Variants in TNFRSF10A observed in about 807,000 individuals in gnomAD.
The protein encoded by TNFRSF10A is TNF receptor superfamily member 10a, also known as tumor necrosis factor receptor superfamily member 10A.
Under a neutral mutation model 42.8 loss-of-function variants are expected in TNFRSF10A, and 44 were observed. The observed-to-expected ratio is 1.03, with a 90% confidence interval of 0.81 to 1.32. TNFRSF10A has a LOEUF of 1.32. TNFRSF10A is among the 40% of genes most tolerant of loss of function. TNFRSF10A has a pLI of 0.00. For synonymous variants in TNFRSF10A, 259 were observed against 234.2 expected (o/e 1.11, Z -0.97); for missense variants, 680 against 602.0 (o/e 1.13, Z -1.36).
At chr8:23,203,667 G>GA (rs556623078) in intron 2 of TNFRSF10A, among the ~76,000 whole-genome samples, 2 of 151,470 alleles carry the variant, frequency 1.3e-5, no homozygotes, top group Non-Finnish European at 2.9e-5. Flanking sequence ...CCAAACTGTG[G>GA]AAAAAAAACT....
chr8:23,195,513 C>T (rs761050098), intron 9 of TNFRSF10A, among the ~76,000 whole-genome samples: 3 of 150,834 alleles, frequency 2.0e-5, no homozygotes, highest in East Asian at 1.9e-4. Flanking sequence ...TTAATAACAA[C>T]GTTTTCTTTT....
chr8:23,220,467 T>G (rs1474694657), intron 1 of TNFRSF10A, among the ~76,000 whole-genome samples: 2 of 152,248 alleles, frequency 1.3e-5, no homozygotes, highest in African/African-American at 4.8e-5. Flanking sequence ...CTGCCAGGGT[T>G]GGCCGTGCTC....
At chr8:23,203,002 A>G (rs774778853) in intron 2 of TNFRSF10A, among the ~76,000 whole-genome samples, 3 of 152,220 alleles carry the variant, frequency 2.0e-5, no homozygotes, top group Non-Finnish European at 4.4e-5. Flanking sequence ...TTAAAATAGT[A>G]AAAAGAGAAT....
At chr8:23,223,792 C>T (rs537848475) in intron 1 of TNFRSF10A, among the ~76,000 whole-genome samples, 1 of 152,282 alleles carries the variant, frequency 6.6e-6, no homozygotes, top group South Asian at 2.1e-4. Flanking sequence ...TGGCATTTTT[C>T]CAGACTGAGT....
rs775689137 is a variant in TNFRSF10A at position 23,199,346 on chromosome 8, C to A, written c.934G>T (p.Glu312Ter). ...GGCTCCTGGCTTTCCATTTGCTGCT[C>A]AGAGACGAAAGTGGACAGCGAGTCT... is the stretch of plus-strand genomic sequence containing the variant. Reference protein sequence around the residue: ...NADSLSTFVSEQQMESQEPAD... With the variant: ...NADSLSTFVS Residue 312 changes from glutamate (E) to a stop codon, truncating the protein, a stop_gained, in exon 8 of 10, where the codon GAG becomes TAG. Transcript: ENST00000221132. LOFTEE classifies it high-confidence loss of function. 3.1e-6 allele frequency: 5 copies of A among 1,614,204 alleles called. No homozygotes were observed. Among genetic ancestry groups the A allele is most frequent in the Non-Finnish European group, 4.2e-6 (5 of 1,180,024 alleles).
intron 1 of TNFRSF10A, among the ~76,000 whole-genome samples, chr8:23,219,212 CCCA>C (rs1300023343): frequency 6.6e-6 from 1 of 152,046 alleles, no homozygotes. Flanking sequence ...CATTTGTCCT[CCCA>C]CCACCACCAG....
chr8:23,211,647 C>T (rs1251488967), intron 2 of TNFRSF10A, among the ~76,000 whole-genome samples: 1 of 152,196 alleles, frequency 6.6e-6, no homozygotes, highest in Non-Finnish European at 1.5e-5. Flanking sequence ...TCAAAACTCA[C>T]TACAAGACTG....
intron 2 of TNFRSF10A, among the ~76,000 whole-genome samples, chr8:23,206,684 TGA>T (rs1486931095): frequency 2.0e-5 from 3 of 152,012 alleles, no homozygotes; most frequent in Non-Finnish European, 4.4e-5. Context: ...GAATCAGAAA[TGA>T]GAGAGAGCAC....
At chr8:23,192,130 G>A in intron 9 of TNFRSF10A, 117 bp from the exon 10 acceptor site, 1 of 1,475,812 alleles carries the variant, frequency 6.8e-7, no homozygotes, top group Non-Finnish European at 9.0e-7. Flanking sequence ...CCCCTGCATG[G>A]GCAAACCTGT....
At chr8:23,192,267 C>T (rs1373797314) in intron 9 of TNFRSF10A, among the ~76,000 whole-genome samples, 1 of 152,202 alleles carries the variant, frequency 6.6e-6, no homozygotes, top group African/African-American at 2.4e-5. Context: ...GGCTGAGAAC[C>T]CACCTGGGGA....
intron 2 of TNFRSF10A, 96 bp downstream of exon 2, chr8:23,212,020 G>GTTCTTCAAAATCAAAA (rs1801098767): frequency 1.4e-5 from 15 of 1,107,410 alleles, no homozygotes; most frequent in Non-Finnish European, 2.0e-5. Context: ...ACATGGAAAA[G>GTTCTTCAAAATCAAAA]GAATGTTATT....
At chr8:23,219,937 C>T (rs141702890) in intron 1 of TNFRSF10A, among the ~76,000 whole-genome samples, 13 of 152,342 alleles carry the variant, frequency 8.5e-5, no homozygotes, top group African/African-American at 3.1e-4. Context: ...TCTGGACAGA[C>T]TTGCCTGTGG....
At chr8:23,224,637 C>G (rs1178846753) in intron 1 of TNFRSF10A, 119 bp downstream of exon 1, 1 of 1,327,768 alleles carries the variant, frequency 7.5e-7, no homozygotes, top group African/African-American at 1.5e-5. Flanking sequence ...TCCTCCTGCC[C>G]GGACATGCCC....
At position 23,224,800 on chromosome 8, in the gene TNFRSF10A, C is replaced by G; in HGVS notation, c.262G>C (p.Val88Leu). The G allele has an allele frequency of 6.4e-7, 1 of 1,568,226 alleles. No individual in the cohort carries two copies. The highest frequency in any genetic ancestry group is 8.6e-7 in the Non-Finnish European group (1 of 1,156,734). The change falls in exon 1 of 10, where the codon GTC becomes CTC. Residue 88 changes from valine to leucine, a missense_variant. Coordinates refer to ENST00000221132, the MANE Select transcript of TNFRSF10A (RefSeq NM_003844.4). ...ACGACAAACTTGAAGGTCTTGTGGA[C>G]CCGGAGCCGAGGGCTGGCTTCCCGC... ...PAREASPRLR[V>L]HKTFKFVVVG...
chr8:23,200,005 G>T, intron 6 of TNFRSF10A, 88 bp from the exon 7 acceptor site: 1 of 1,531,946 alleles, frequency 6.5e-7, no homozygotes, highest in Non-Finnish European at 9.0e-7. Context: ...GGGGTGGGCT[G>T]GGGGCTGGGA....
Position 23,197,127 on chromosome 8 carries a change from C to A in TNFRSF10A, c.1087+5G>T. 6.2e-7 allele frequency: 1 copy of A among 1,614,146 alleles called. No homozygotes were observed. The highest frequency in any genetic ancestry group is 8.5e-7 in the Non-Finnish European group (1 of 1,180,000). ...CTGCTGCATCTCCAGGAGCAAAACA[C>A]TTACTCTCAGTGGGGTCAGCACCAT... On this transcript the variant is annotated splice_donor_5th_base_variant and intron_variant, in intron 9 of 9. Coordinates refer to ENST00000221132, the MANE Select transcript of TNFRSF10A (RefSeq NM_003844.4).
At chr8:23,222,109 C>T (rs1801265195) in intron 1 of TNFRSF10A, among the ~76,000 whole-genome samples, 1 of 152,120 alleles carries the variant, frequency 6.6e-6, no homozygotes, top group Non-Finnish European at 1.5e-5. Context: ...GATCTCCTGA[C>T]CTCGTGATCC....
At chr8:23,209,665 C>T (rs1259160804) in intron 2 of TNFRSF10A, among the ~76,000 whole-genome samples, 2 of 152,192 alleles carry the variant, frequency 1.3e-5, no homozygotes, top group African/African-American at 4.8e-5. Flanking sequence ...TTGTTTTCGA[C>T]AATGTCACCC....
At chr8:23,214,281 A>G (rs976141842) in intron 1 of TNFRSF10A, among the ~76,000 whole-genome samples, 1 of 152,082 alleles carries the variant, frequency 6.6e-6, no homozygotes, top group African/African-American at 2.4e-5. Flanking sequence ...AAGTCAGGAG[A>G]TCGAGACCAT....
Sources: allele counts gnomAD v4.1 joint callset (sites outside exome capture counted in the v4.1 genomes callset), GRCh38; gene constraint gnomAD v4.1.1; transcripts MANE v1.5; gene names NCBI Gene and HGNC (gene_info 2026-07-23, HGNC 2026-07-21).